The following METTL15 variants were observed in gnomAD, a reference collection of about 807,000 sequenced individuals.
METTL15 encodes the protein methyltransferase 15, mitochondrial 12S rRNA N4-cytidine, also known as 12S rRNA N(4)-cytidine methyltransferase METTL15.
A neutral mutation model predicts 38.3 loss-of-function variants in METTL15; 34 were observed. That is an observed-to-expected ratio of 0.89 (90% CI 0.68 to 1.18). METTL15 has a LOEUF of 1.18. Ranked by LOEUF, METTL15 falls within the 50% of genes most tolerant of loss-of-function variation. The pLI, the probability that METTL15 is intolerant of heterozygous loss-of-function variation, is 0.00. For synonymous variants in METTL15, 162 were observed against 170.9 expected, an observed-to-expected ratio of 0.95 and a Z score of 0.41; for missense variants, 438 against 498.4, an observed-to-expected ratio of 0.88 and a Z score of 1.15.
intron 6 of METTL15, among the ~76,000 whole-genome samples, chr11:28,436,608 G>A (rs1850984412): frequency 1.3e-5 from 2 of 150,740 alleles, no homozygotes; most frequent in African/African-American, 2.4e-5. Flanking sequence ...GTTTTTAAAT[G>A]TTCAGAGGCT....
At chr11:28,387,756 AT>A (rs1181275063) in intron 5 of METTL15, among the ~76,000 whole-genome samples, 1 of 152,150 alleles carries the variant, frequency 6.6e-6, no homozygotes, top group East Asian at 1.9e-4. Context: ...AGAAAACTAC[AT>A]ACCAATAACC....
intron 3 of METTL15, among the ~76,000 whole-genome samples, chr11:28,194,285 A>G (rs888991058): frequency 1.3e-5 from 2 of 149,066 alleles, no homozygotes; most frequent in African/African-American, 5.0e-5. Context: ...AGCAACCTCT[A>G]CCTCCTGGGT....
intron 6 of METTL15, among the ~76,000 whole-genome samples, chr11:28,475,380 AT>A (rs11297496): frequency 0.99 from 151,299 of 152,320 alleles, 75,155 homozygotes; most frequent in Middle Eastern, 1. Context: ...TTATTCTGAG[AT>A]TTTCCCTCCA....
intron 6 of METTL15, among the ~76,000 whole-genome samples, chr11:28,518,343 TAGGAGTGCCTGGCGCC>T (rs1305738984): frequency 1.3e-5 from 2 of 152,148 alleles, no homozygotes; most frequent in Non-Finnish European, 2.9e-5. Flanking sequence ...CAGCCCTTAA[TAGGAGTGCCTGGCGCC>T]ACCACACAGT....
At chr11:28,341,738 CTACT>C (rs1197443183) in intron 3 of METTL15, among the ~76,000 whole-genome samples, 2 of 152,186 alleles carry the variant, frequency 1.3e-5, no homozygotes, top group East Asian at 3.8e-4. Context: ...TAACACATCT[CTACT>C]TACTTATCTG....
intron 3 of METTL15, among the ~76,000 whole-genome samples, chr11:28,174,534 G>A (rs1253075520): frequency 6.6e-6 from 1 of 151,882 alleles, no homozygotes; most frequent in Non-Finnish European, 1.5e-5. Context: ...TCTATTTTGG[G>A]TCAGGCACAG....
chr11:28,460,003 G>A (rs532365123), intron 6 of METTL15, among the ~76,000 whole-genome samples: 9 of 152,088 alleles, frequency 5.9e-5, no homozygotes, highest in African/African-American at 2.2e-4. Context: ...ATGTGTTTTT[G>A]AAGTGTTTTT....
At chr11:28,476,537 A>G (rs1174532502) in intron 6 of METTL15, among the ~76,000 whole-genome samples, 1 of 152,142 alleles carries the variant, frequency 6.6e-6, no homozygotes, top group African/African-American at 2.4e-5. Context: ...GAGAGTTGAG[A>G]CAGACCTTAG....
chr11:28,480,875 C>T (rs1851389089), intron 6 of METTL15, among the ~76,000 whole-genome samples: 1 of 152,114 alleles, frequency 6.6e-6, no homozygotes, highest in African/African-American at 2.4e-5. Flanking sequence ...CTCCTACTCC[C>T]CTGCTGCATA....
intron 6 of METTL15, among the ~76,000 whole-genome samples, chr11:28,463,904 C>T (rs1169459712): frequency 7.9e-5 from 12 of 152,042 alleles, no homozygotes. Context: ...TGGAACTAAA[C>T]ACAACCCTGT....
chr11:28,183,606 G>C (rs1484224370), intron 3 of METTL15, among the ~76,000 whole-genome samples: 1 of 152,070 alleles, frequency 6.6e-6, no homozygotes, highest in Non-Finnish European at 1.5e-5. Context: ...CAGGGATGAA[G>C]CCGACTTGAT....
chr11:28,216,142 G>C (rs1343298333), intron 4 of METTL15, among the ~76,000 whole-genome samples: 2 of 151,984 alleles, frequency 1.3e-5, no homozygotes, highest in African/African-American at 4.8e-5. Flanking sequence ...AGATTTGGAT[G>C]ATGTGCTCCT....
intron 3 of METTL15, among the ~76,000 whole-genome samples, chr11:28,165,355 A>T (rs751938105): frequency 2.6e-5 from 4 of 152,036 alleles, no homozygotes; most frequent in Non-Finnish European, 5.9e-5. Flanking sequence ...GTTATTTTTC[A>T]TCTTCTTGTT....
chr11:28,450,699 G>A (rs910526554), intron 6 of METTL15, among the ~76,000 whole-genome samples: 27 of 152,128 alleles, frequency 1.8e-4, no homozygotes, highest in Admixed American at 9.2e-4. Context: ...GTAAACTTTT[G>A]AAATGATAAG....
chr11:28,164,831 C>A (rs1850599985), intron 3 of METTL15, among the ~76,000 whole-genome samples: 1 of 151,908 alleles, frequency 6.6e-6, no homozygotes, highest in East Asian at 1.9e-4. Context: ...AACTTTGTAC[C>A]CTTGGAGCAA....
chr11:28,433,789 A>T (rs566105747), intron 6 of METTL15, among the ~76,000 whole-genome samples: 53 of 152,236 alleles, frequency 3.5e-4, no homozygotes, highest in African/African-American at 1.1e-3. Context: ...ACATCTCCCC[A>T]TCTACAACTA....
At chr11:28,175,310 G>A (rs978629497) in intron 3 of METTL15, among the ~76,000 whole-genome samples, 1 of 152,082 alleles carries the variant, frequency 6.6e-6, no homozygotes, top group African/African-American at 2.4e-5. Context: ...GTATTCCATG[G>A]TGTATATGTG....
intron 6 of METTL15, among the ~76,000 whole-genome samples, chr11:28,510,875 CTGTGT>C (rs1301074768): frequency 6.6e-6 from 1 of 152,114 alleles, no homozygotes; most frequent in South Asian, 2.1e-4. Context: ...AGTACTCAGC[CTGTGT>C]TAAGTGTGGG....
At chr11:28,497,515 G>A (rs191063558) in intron 6 of METTL15, among the ~76,000 whole-genome samples, 1 of 152,276 alleles carries the variant, frequency 6.6e-6, no homozygotes, top group East Asian at 1.9e-4. Flanking sequence ...TAAGTCTTCT[G>A]AATGCAGGGG....
Sources: gnomAD v4.1 joint callset for allele counts (sites outside exome capture counted in the v4.1 genomes callset) on GRCh38, gnomAD v4.1.1 for gene constraint, MANE v1.5 for transcripts, NCBI Gene and HGNC (gene_info 2026-07-23, HGNC 2026-07-21) for gene names.